The following CSMD3 variants were observed in gnomAD, a reference collection of about 807,000 sequenced individuals.
CSMD3 encodes CUB and Sushi multiple domains 3.
Under a neutral mutation model 435.2 loss-of-function variants are expected in CSMD3, and 177 were observed. The ratio of observed to expected loss-of-function variants is 0.41; its 90% CI spans 0.36 to 0.46. CSMD3 has a LOEUF of 0.46. Ranked by LOEUF, CSMD3 falls within the 20% of genes least tolerant of loss-of-function variation. The pLI is 0.34. For missense variants in CSMD3, 4,265 were observed against 4,504.6 expected, an observed-to-expected ratio of 0.95 and a Z score of 1.52; for synonymous variants, 1,656 against 1,520.5, an observed-to-expected ratio of 1.09 and a Z score of -2.07.
At chr8:113,274,682 G>A (rs1334327755) in intron 3 of CSMD3, among the ~76,000 whole-genome samples, 9 of 152,026 alleles carry the variant, frequency 5.9e-5, no homozygotes, top group Admixed American at 2.6e-4. Flanking sequence ...TGTCTTGAAA[G>A]ATCTCATAGT....
At chr8:113,287,154 C>T (rs1461053663) in intron 2 of CSMD3, among the ~76,000 whole-genome samples, 1 of 152,118 alleles carries the variant, frequency 6.6e-6, no homozygotes, top group Admixed American at 6.6e-5. Context: ...GCACCCTGTA[C>T]TGCTAATGCT....
intron 13 of CSMD3, among the ~76,000 whole-genome samples, chr8:112,694,981 G>A (rs572267319): frequency 6.6e-5 from 10 of 152,166 alleles, no homozygotes; most frequent in Admixed American, 3.3e-4. Context: ...AGTGTGAGCC[G>A]AAGCAGGGGA....
In CSMD3 at chr8:113,399,102, T is replaced by TAC. The variant is rs1201560879; in HGVS notation, c.178+37574_178+37575insGT. ...TCATATATATATATATATATATATA[T>TAC]ATATACACACACACACACACACTAT... On this transcript the variant is annotated intron_variant, in intron 1 of 70. Coordinates refer to ENST00000297405, the MANE Select transcript of CSMD3 (RefSeq NM_198123.2). Among the ~76,000 whole-genome samples the TAC allele has an allele frequency of 2.3e-4, 19 of 82,174 alleles. No homozygotes were observed. In the East Asian group the frequency reaches 2.5e-3, roughly 11 times the overall value. The allele number at this position is 82,174 out of a possible 152,430, so 53.9% of individuals were successfully genotyped here.
chr8:112,343,867 GATT>G (rs1825410863), intron 41 of CSMD3, among the ~76,000 whole-genome samples: 1 of 151,512 alleles, frequency 6.6e-6, no homozygotes, highest in South Asian at 2.1e-4. Flanking sequence ...CAGGCTGGTT[GATT>G]ATTTATTTAT....
intron 1 of CSMD3, among the ~76,000 whole-genome samples, chr8:113,316,046 T>C (rs1043177153): frequency 3.3e-5 from 5 of 152,108 alleles, no homozygotes; most frequent in African/African-American, 9.7e-5. Flanking sequence ...TTCTGTAGCA[T>C]ATTGTGTAAT....
rs1353149536 is a variant in CSMD3 at position 113,347,893 on chromosome 8, G to A, written c.179-33100C>T. Reference sequence around the variant, plus strand: ...AGAGTATCTGAGAGCCCAAAGCTGGGCTAAAGTTGGCAAAGGCGAGATAAT... The same window carrying A: ...AGAGTATCTGAGAGCCCAAAGCTGGACTAAAGTTGGCAAAGGCGAGATAAT... On this transcript the variant is annotated intron_variant, in intron 1 of 70. Transcript: ENST00000297405. Among the ~76,000 whole-genome samples the A allele has an allele frequency of 2.0e-5, 3 of 152,142 alleles. No homozygotes were observed. The East Asian group carries it at 5.8e-4, about 29-fold the overall frequency.
chr8:113,118,874 G>GTCGCATAGATTTCATT (rs1300242776), intron 4 of CSMD3, among the ~76,000 whole-genome samples: 1 of 152,136 alleles, frequency 6.6e-6, no homozygotes, highest in Admixed American at 6.5e-5. Context: ...GGCACTCTCA[G>GTCGCATAGATTTCATT]TCGCATAGAT....
At chr8:112,921,089 C>T (rs1177876217) in intron 10 of CSMD3, among the ~76,000 whole-genome samples, 4 of 149,608 alleles carry the variant, frequency 2.7e-5, no homozygotes, top group African/African-American at 9.8e-5. Context: ...GTATATCTTA[C>T]ATATATATAC....
intron 3 of CSMD3, among the ~76,000 whole-genome samples, chr8:113,230,331 CTAAG>C (rs1436186593): frequency 3.3e-5 from 5 of 151,480 alleles, no homozygotes; most frequent in African/African-American, 7.3e-5. Context: ...GATTGAAACA[CTAAG>C]TAAATTTCCT....
chr8:112,883,583 A>C (rs186972422), intron 10 of CSMD3, among the ~76,000 whole-genome samples: 49 of 152,078 alleles, frequency 3.2e-4, no homozygotes, highest in Non-Finnish European at 6.3e-4. Flanking sequence ...AGAGTCACAG[A>C]GAAGTAAAAA....
chr8:112,442,581 G>A (rs1024556916), intron 32 of CSMD3, among the ~76,000 whole-genome samples: 4 of 151,776 alleles, frequency 2.6e-5, no homozygotes, highest in Admixed American at 6.6e-5. Flanking sequence ...TTATAACTGA[G>A]ACAACTTAAT....
At chr8:112,429,091 A>G (rs1813388523) in intron 32 of CSMD3, among the ~76,000 whole-genome samples, 1 of 152,092 alleles carries the variant, frequency 6.6e-6, no homozygotes, top group African/African-American at 2.4e-5. Context: ...AGAATCCAAT[A>G]TATCTTTAAC....
At chr8:112,831,290 TCAATA>T (rs1379699522) in intron 11 of CSMD3, among the ~76,000 whole-genome samples, 1 of 151,032 alleles carries the variant, frequency 6.6e-6, no homozygotes, top group East Asian at 2.0e-4. Context: ...TAATTACCTG[TCAATA>T]CAGACTTAGA....
At chr8:112,757,207 C>T (rs1303463533) in intron 13 of CSMD3, among the ~76,000 whole-genome samples, 1 of 152,052 alleles carries the variant, frequency 6.6e-6, no homozygotes, top group African/African-American at 2.4e-5. Flanking sequence ...TAATGCAACA[C>T]ATTGATCTAT....
chr8:113,089,323 C>G (rs1375095595), intron 5 of CSMD3, among the ~76,000 whole-genome samples: 1 of 152,068 alleles, frequency 6.6e-6, no homozygotes, highest in African/African-American at 2.4e-5. Context: ...TCATTTTTAG[C>G]CAATCACTTA....
intron 11 of CSMD3, among the ~76,000 whole-genome samples, chr8:112,835,047 T>C (rs2079981911): frequency 6.6e-6 from 1 of 151,834 alleles, no homozygotes; most frequent in Non-Finnish European, 1.5e-5. Context: ...CTGGATTGCT[T>C]AGTGTTGCTT....
At chr8:112,422,350 A>G (rs1052958873) in intron 32 of CSMD3, among the ~76,000 whole-genome samples, 4 of 152,222 alleles carry the variant, frequency 2.6e-5, no homozygotes, top group Non-Finnish European at 1.5e-5. Flanking sequence ...TCATTTATAT[A>G]AAATGTGTTC....
Position 112,223,675 on chromosome 8 carries a change from T to C in CSMD3, c.*1096A>G, listed in dbSNP as rs1425270395. 3 of 152,174 alleles carry C rather than the reference T, an allele frequency of 2.0e-5. No homozygotes were observed. Among genetic ancestry groups the C allele is most frequent in the Non-Finnish European group, 4.4e-5 (3 of 68,020 alleles). The allele number at this position is 152,174 out of a possible 1,614,324, so 9.4% of individuals were successfully genotyped here. On this transcript the variant is annotated 3_prime_UTR_variant, in exon 71 of 71. Transcript: ENST00000297405. ...GCAATAAATTTATATTGGTGATTTA[T>C]AATAATAATTTTTTTCAGTCATTAT...
chr8:112,618,511 A>C (rs946368096), intron 22 of CSMD3, among the ~76,000 whole-genome samples: 3 of 152,046 alleles, frequency 2.0e-5, no homozygotes, highest in Non-Finnish European at 4.4e-5. Flanking sequence ...CTTCCAAGGA[A>C]CTGTTTCTAA....
Sources: allele counts gnomAD v4.1 joint callset (sites outside exome capture counted in the v4.1 genomes callset), GRCh38; gene constraint gnomAD v4.1.1; transcripts MANE v1.5; gene names NCBI Gene and HGNC (gene_info 2026-07-23, HGNC 2026-07-21).